DLEU7: variants seen among roughly 807,000 people sequenced by gnomAD.
DLEU7 encodes the protein deleted in lymphocytic leukemia 7.
DLEU7 carries 17 observed loss-of-function variants against 16.0 expected under a neutral mutation model. The ratio of observed to expected loss-of-function variants is 1.06; its 90% CI spans 0.73 to 1.59. DLEU7 has a LOEUF of 1.59. DLEU7 is among the 40% of genes most tolerant of loss of function. DLEU7 has a pLI of 0.00. For missense variants in DLEU7, 308 were observed against 314.9 expected (o/e 0.98, Z 0.17); for synonymous variants, 113 against 139.8 (o/e 0.81, Z 1.35).
At position 50,808,916 on chromosome 13, in the gene DLEU7, A is replaced by C. The variant is rs1593403778; in HGVS notation, c.459+34272T>G. Among the ~76,000 whole-genome samples the C allele has an allele frequency of 4.6e-5, 7 of 152,184 alleles. No individual in the cohort carries two copies. In the South Asian group the frequency reaches 1.5e-3, roughly 32 times the overall value. On this transcript the variant is annotated intron_variant, in intron 1 of 1. Coordinates refer to the DLEU7 transcript ENST00000400393. ...GAAAGGTCAGTTGGAACAAAAAGGG[A>C]AATTAAAAAGCCACAGAGAGAAACA...
chr13:50,843,251 G>A lies in DLEU7; in HGVS notation c.396C>T (p.Val132=), dbSNP rs773647608. The A allele has an allele frequency of 1.3e-6, 2 of 1,594,652 alleles. No individual in the cohort carries two copies. Among genetic ancestry groups the A allele is most frequent in the African/African-American group, 1.4e-5 (1 of 73,192 alleles). ...GCCCCAGCAGCGTCTGCTCCACGCT[G>A]ACCAGCTCCGAAGTCGAGTCCACCA... is the stretch of plus-strand genomic sequence containing the variant. ...ARVVDSTSEL[V]SVEQTLLGPL... Residue 132 remains valine (V), a synonymous_variant, in exon 1 of 2, where the codon GTC becomes GTT. Transcript: ENST00000504404. The surrounding 1 kb of genome is among the most constrained non-coding windows in gnomAD (Gnocchi z 5.7).
intron 1 of DLEU7, among the ~76,000 whole-genome samples, chr13:50,773,284 C>T (rs947812004): frequency 6.6e-6 from 1 of 152,200 alleles, no homozygotes; most frequent in Admixed American, 6.5e-5. Flanking sequence ...CCATCAAAGT[C>T]ATTCTCTATC....
chr13:50,833,799 G>T (rs1316589308), intron 1 of DLEU7, among the ~76,000 whole-genome samples: 3 of 152,066 alleles, frequency 2.0e-5, no homozygotes, highest in Admixed American at 6.5e-5. Flanking sequence ...ATACTACAAG[G>T]CTACAGTAAT....
chr13:50,806,916 C>G (rs1200900150), intron 1 of DLEU7, among the ~76,000 whole-genome samples: 2 of 132,670 alleles, frequency 1.5e-5, no homozygotes, highest in Non-Finnish European at 3.0e-5. Context: ...GCACTCCAGC[C>G]TGGGTGACAG....
At chr13:50,762,327 A>G (rs1395445753) in intron 1 of DLEU7, among the ~76,000 whole-genome samples, 2 of 152,126 alleles carry the variant, frequency 1.3e-5, no homozygotes, top group Non-Finnish European at 2.9e-5. Context: ...TATCACAAGC[A>G]GGGATTTTAG....
chr13:50,785,467 A>ACC (rs760653954), intron 1 of DLEU7, among the ~76,000 whole-genome samples: 3 of 152,152 alleles, frequency 2.0e-5, no homozygotes, highest in Non-Finnish European at 2.9e-5. Context: ...AGTTAATATG[A>ACC]CCCATTGGAA....
intron 1 of DLEU7, among the ~76,000 whole-genome samples, chr13:50,810,105 A>T (rs1876520535): frequency 6.7e-6 from 1 of 148,268 alleles, no homozygotes; most frequent in Non-Finnish European, 1.5e-5. Context: ...ACGTCTGTGG[A>T]TGTTGGGGAA....
intron 1 of DLEU7, among the ~76,000 whole-genome samples, chr13:50,759,417 T>G (rs1052530271): frequency 2.0e-5 from 3 of 152,320 alleles, no homozygotes; most frequent in Non-Finnish European, 2.9e-5. Flanking sequence ...ATTCCATGTG[T>G]GTAAACTAGG....
chr13:50,779,507 G>T (rs982692100), intron 1 of DLEU7, among the ~76,000 whole-genome samples: 2 of 152,188 alleles, frequency 1.3e-5, no homozygotes, highest in Non-Finnish European at 2.9e-5. Context: ...CTGTAGCAGA[G>T]ACATCACTAC....
intron 1 of DLEU7, among the ~76,000 whole-genome samples, chr13:50,788,017 G>C (rs753693453): frequency 6.6e-5 from 10 of 151,984 alleles, no homozygotes; most frequent in Admixed American, 6.6e-4. Context: ...AGCTCTGTTC[G>C]TGGCACAGCA....
intron 1 of DLEU7, among the ~76,000 whole-genome samples, chr13:50,769,077 T>A (rs1185455769): frequency 2.0e-5 from 3 of 152,258 alleles, no homozygotes; most frequent in Non-Finnish European, 2.9e-5. Context: ...GCTGCATAAA[T>A]GTCTTCTTTT....
Position 50,834,327 on chromosome 13 carries a change from C to T in DLEU7, c.459+8861G>A, listed in dbSNP as rs1471717782. Reference sequence around the variant, plus strand: ...GCTAATATCCACAATCTACAAGGAACTTAAACAAATTTACAAGAAAAAAAC... The same window carrying T: ...GCTAATATCCACAATCTACAAGGAATTTAAACAAATTTACAAGAAAAAAAC... On this transcript the variant is annotated intron_variant, in intron 1 of 1. Transcript: ENST00000504404. Among the ~76,000 whole-genome samples the T allele has an allele frequency of 2.6e-5, 4 of 151,982 alleles. No individual in the cohort carries two copies. The East Asian group carries it at 7.7e-4, about 29-fold the overall frequency.
chr13:50,815,256 C>T (rs888801869), intron 1 of DLEU7, among the ~76,000 whole-genome samples: 1 of 152,066 alleles, frequency 6.6e-6, no homozygotes, highest in Non-Finnish European at 1.5e-5. Context: ...ATGTTAGATA[C>T]GTAATCATTA....
intron 1 of DLEU7, among the ~76,000 whole-genome samples, chr13:50,724,928 C>T (rs1353611732): frequency 1.3e-5 from 2 of 152,208 alleles, no homozygotes; most frequent in East Asian, 1.9e-4. Context: ...TTGTAACCTA[C>T]ATTGCCTCAA....
intron 1 of DLEU7, among the ~76,000 whole-genome samples, chr13:50,737,252 A>G (rs1433230629): frequency 6.6e-6 from 1 of 152,216 alleles, no homozygotes; most frequent in African/African-American, 2.4e-5. Context: ...AAATTGAAAT[A>G]GTCAAAATAT....
intron 1 of DLEU7, among the ~76,000 whole-genome samples, chr13:50,779,061 C>T (rs1275433853): frequency 1.3e-5 from 2 of 152,162 alleles, no homozygotes; most frequent in Middle Eastern, 3.2e-3. Context: ...GTCCAGCTAA[C>T]GTGTTCCTGG....
intron 1 of DLEU7, among the ~76,000 whole-genome samples, chr13:50,829,807 C>G (rs1877205083): frequency 6.6e-6 from 1 of 152,150 alleles, no homozygotes; most frequent in South Asian, 2.1e-4. Context: ...TCTACCATTC[C>G]AGAAGGTCTG....
chr13:50,777,766 T>C lies in DLEU7; in HGVS notation c.460-64526A>G, dbSNP rs148236566. 3.5e-3 allele frequency among the ~76,000 whole-genome samples: 530 copies of C among 152,302 alleles called. 4 individuals are homozygous for C. Among genetic ancestry groups the C allele is most frequent in the African/African-American group, 0.012 (508 of 41,562 alleles). The stretch of plus-strand genomic sequence containing the variant: ...AGATCAAAGATGTCCCTAAGAAGCG[T>C]TGAGATGTCACAAAGTTCTAGGTAA... On this transcript the variant is annotated intron_variant, in intron 1 of 1. Coordinates refer to the DLEU7 transcript ENST00000400393.
At chr13:50,814,311 T>C (rs1371277713) in intron 1 of DLEU7, among the ~76,000 whole-genome samples, 2 of 151,614 alleles carry the variant, frequency 1.3e-5, no homozygotes, top group African/African-American at 4.8e-5. Flanking sequence ...TATCCACCCA[T>C]CCATCCATCC....
Sources: allele counts gnomAD v4.1 joint callset (sites outside exome capture counted in the v4.1 genomes callset), GRCh38; gene constraint gnomAD v4.1.1; non-coding constraint Gnocchi (gnomAD v3.1); transcripts MANE v1.5; gene names NCBI Gene and HGNC (gene_info 2026-07-23, HGNC 2026-07-21).